Variants in TENM4 observed in about 807,000 individuals in gnomAD.
TENM4 encodes teneurin-4.
Under a neutral mutation model 243.3 loss-of-function variants are expected in TENM4, and 82 were observed. The ratio of observed to expected loss-of-function variants is 0.34; its 90% confidence interval spans 0.28 to 0.40. The LOEUF (loss-of-function observed/expected upper bound fraction) is 0.40, where lower values mean the gene tolerates loss of function less well. TENM4 is among the 10% of genes least tolerant of loss of function. The probability of loss-of-function intolerance (pLI) is 1.00; values close to 1 mark genes in which losing one functional copy is unlikely to be tolerated. For missense variants in TENM4, 3,138 were observed against 3,673.3 expected, an observed-to-expected ratio of 0.85 and a Z score of 3.77; for synonymous variants, 1,412 against 1,456.3, an observed-to-expected ratio of 0.97 and a Z score of 0.69.
chr11:79,228,177 G>A (rs767922296), intron 2 of TENM4, among the ~76,000 whole-genome samples: 1 of 152,174 alleles, frequency 6.6e-6, no homozygotes, highest in Non-Finnish European at 1.5e-5. Flanking sequence ...AAGGGACAAA[G>A]ACTTGCAAGC....
chr11:78,854,947 C>A (rs954011713), intron 11 of TENM4, among the ~76,000 whole-genome samples: 1 of 152,130 alleles, frequency 6.6e-6, no homozygotes, highest in Non-Finnish European at 1.5e-5. Flanking sequence ...GCCAATTGAT[C>A]GGAGACTGCT....
intron 1 of TENM4, among the ~76,000 whole-genome samples, chr11:79,390,355 T>C (rs1353865780): frequency 1.3e-5 from 2 of 152,240 alleles, no homozygotes; most frequent in Non-Finnish European, 1.5e-5. Flanking sequence ...CTTCCCCTTC[T>C]GCTCTTCTTC....
rs1591043448 is a variant in TENM4 at position 78,814,310 on chromosome 11, G to A, written c.1767C>T (p.Gly589=). 1.9e-6 allele frequency: 3 copies of A among 1,550,292 alleles called. No individual in the cohort carries two copies. Among genetic ancestry groups the A allele is most frequent in the Admixed American group, 3.9e-5 (2 of 50,858 alleles). The change falls in exon 13 of 34, where the codon GGC becomes GGT. Residue 589 remains glycine (G), a synonymous_variant. Transcript: ENST00000278550. ...GTCHCFLGFL[G]PDCGRASCPV... ...AGTTCTCACCTCTGCCACAGTCGGG[G>A]CCCAGGAAACCCAGGAAGCAGTGGC...
intron 2 of TENM4, among the ~76,000 whole-genome samples, chr11:79,223,011 G>A (rs1384200398): frequency 1.3e-5 from 2 of 152,122 alleles, no homozygotes; most frequent in Non-Finnish European, 2.9e-5. Context: ...AGAGCATCAG[G>A]ATAAATAGCT....
chr11:79,148,152 A>C (rs547596693), intron 4 of TENM4, among the ~76,000 whole-genome samples: 1 of 152,252 alleles, frequency 6.6e-6, no homozygotes, highest in East Asian at 1.9e-4. Flanking sequence ...CTGTATTCCA[A>C]GTGACCAGGG....
At chr11:79,054,060 G>A (rs925007526) in intron 6 of TENM4, among the ~76,000 whole-genome samples, 1 of 152,074 alleles carries the variant, frequency 6.6e-6, no homozygotes, top group Admixed American at 6.5e-5. Context: ...AGGTGGGTGC[G>A]TGAACCCAGC....
chr11:78,665,601 T>C (rs1858138285), intron 32 of TENM4, among the ~76,000 whole-genome samples: 1 of 152,248 alleles, frequency 6.6e-6, no homozygotes, highest in Non-Finnish European at 1.5e-5. Flanking sequence ...GTGGTTTTGT[T>C]CTTTACAAAA....
At chr11:78,901,634 A>G (rs1017560401) in intron 7 of TENM4, among the ~76,000 whole-genome samples, 1 of 152,156 alleles carries the variant, frequency 6.6e-6, no homozygotes, top group Non-Finnish European at 1.5e-5. Context: ...CATGCAGAGC[A>G]TCAGAACCAT....
intron 1 of TENM4, among the ~76,000 whole-genome samples, chr11:79,418,064 C>G (rs1331025724): frequency 6.6e-6 from 1 of 152,130 alleles, no homozygotes; most frequent in African/African-American, 2.4e-5. Flanking sequence ...TCTCCTCGCA[C>G]TAGACTAGTA....
intron 1 of TENM4, among the ~76,000 whole-genome samples, chr11:79,400,414 G>A (rs1247973807): frequency 1.3e-5 from 2 of 151,924 alleles, no homozygotes. Context: ...CAGACTTTGT[G>A]AAGGGCTTTG....
rs183736959 is a variant in TENM4 at position 78,659,046 on chromosome 11, G to A, written c.7552-230C>T. On this transcript the variant is annotated intron_variant, in intron 33 of 33. Coordinates refer to ENST00000278550, the MANE Select transcript of TENM4 (RefSeq NM_001098816.3). Reference sequence around the variant, plus strand: ...CTTCCATTTAGAAACTGTTCAGGGGGTATCTAATCTGTGCCAGGTCGTTTT... The same window carrying A: ...CTTCCATTTAGAAACTGTTCAGGGGATATCTAATCTGTGCCAGGTCGTTTT... 1.2e-4 allele frequency among the ~76,000 whole-genome samples: 18 copies of A among 152,292 alleles called. No individual in the cohort carries two copies. The East Asian group carries it at 2.7e-3, about 23-fold the overall frequency.
At chr11:79,316,418 A>G (rs1856802987) in intron 1 of TENM4, among the ~76,000 whole-genome samples, 2 of 152,176 alleles carry the variant, frequency 1.3e-5, no homozygotes, top group Admixed American at 6.5e-5. Flanking sequence ...GATGGAAGGA[A>G]TATGGGTACA....
chr11:78,830,030 G>T (rs1055253583), intron 12 of TENM4, among the ~76,000 whole-genome samples: 1 of 152,086 alleles, frequency 6.6e-6, no homozygotes, highest in African/African-American at 2.4e-5. Flanking sequence ...TGTTTCTTCC[G>T]CCTACACCAC....
At chr11:78,754,263 T>C (rs539042530) in intron 19 of TENM4, among the ~76,000 whole-genome samples, 20 of 152,326 alleles carry the variant, frequency 1.3e-4, no homozygotes, top group African/African-American at 4.8e-4. Flanking sequence ...GTGTCTTCCC[T>C]ACTGCTGAGG....
chr11:78,825,067 T>C (rs1283213189), intron 12 of TENM4, among the ~76,000 whole-genome samples: 5 of 152,240 alleles, frequency 3.3e-5, no homozygotes, highest in Non-Finnish European at 7.3e-5. Flanking sequence ...ATTGATTTGT[T>C]GATCAAGTCT....
At chr11:78,898,110 T>C (rs1855839951) in intron 7 of TENM4, among the ~76,000 whole-genome samples, 1 of 152,192 alleles carries the variant, frequency 6.6e-6, no homozygotes, top group African/African-American at 2.4e-5. Context: ...CCCTCCAGAA[T>C]GGATCACAGA....
chr11:79,145,953 A>G lies in TENM4; in HGVS notation c.-66+2757T>C, dbSNP rs192185054. 2.0e-3 allele frequency among the ~76,000 whole-genome samples: 311 copies of G among 152,056 alleles called. 9 individuals are homozygous for G. The South Asian group carries it at 0.047, about 23-fold the overall frequency. On this transcript the variant is annotated intron_variant, in intron 4 of 33. Coordinates refer to ENST00000278550, the MANE Select transcript of TENM4 (RefSeq NM_001098816.3). ...ATCTGAGTCTTTTGCCCATTTTTCT[A>G]TTAGGCTGTCTGTCTTTTCTTACTG...
At chr11:78,778,680 T>G in intron 16 of TENM4, 52 bp from the exon 17 acceptor site, 1 of 1,551,060 alleles carries the variant, frequency 6.4e-7, no homozygotes. Flanking sequence ...AAGTGCAATA[T>G]CGCCTGCCAC....
chr11:79,259,648 T>A (rs1169749655), intron 2 of TENM4, among the ~76,000 whole-genome samples: 1 of 134,208 alleles, frequency 7.5e-6, no homozygotes, highest in Non-Finnish European at 1.6e-5. Context: ...CATCCATCCA[T>A]CCATCCATCT....
Sources: allele counts gnomAD v4.1 joint callset (sites outside exome capture counted in the v4.1 genomes callset), GRCh38; gene constraint gnomAD v4.1.1; transcripts MANE v1.5; gene names NCBI Gene and HGNC (gene_info 2026-07-23, HGNC 2026-07-21).